Variants in C4orf50 observed in about 807,000 individuals in gnomAD.
C4orf50 encodes the protein uncharacterized protein C4orf50.
C4orf50 carries 80 observed loss-of-function variants against 77.2 expected under a neutral mutation model. The observed-to-expected ratio is 1.04, with a 90% CI of 0.87 to 1.25. The LOEUF is 1.25. Among genes scored for constraint, C4orf50 ranks in the 50% most tolerant of loss-of-function variants. The pLI, the probability that C4orf50 is intolerant of heterozygous loss-of-function variation, is 0.00. For missense variants in C4orf50, 1,257 were observed against 1,152.9 expected (o/e 1.09, Z -1.31); for synonymous variants, 532 against 465.3 (o/e 1.14, Z -1.84).
intron 33 of C4orf50, among the ~76,000 whole-genome samples, chr4:5,964,439 TC>T (rs1719439817): frequency 1.5e-5 from 1 of 67,540 alleles, no homozygotes; most frequent in African/African-American, 7.1e-5. Context: ...AATTGTGTCA[TC>T]AAGGTTTTCA....
chr4:5,990,115 C>T, exon 28 of C4orf50: 1 of 1,277,660 alleles, frequency 7.8e-7, no homozygotes, highest in Non-Finnish European at 9.9e-7. Context: ...CCTTTCCCTC[C>T]TGCTCAGGGA....
Position 5,919,961 on chromosome 4 carries a change from T to C in C4orf50, c.*2475-21773A>G, listed in dbSNP as rs1481755682. On this transcript the variant is annotated intron_variant, in intron 7 of 7. Coordinates refer to the C4orf50 transcript ENST00000324058. This position sits in a 1 kb window ranked among gnomAD's most constrained non-coding sequence, Gnocchi z 6.5. ...GTTCAACACGCACAGACTTTTCTTGTCATCATTCCCTCAACAACACAGTAT... is the reference window on the plus strand; with the variant it reads ...GTTCAACACGCACAGACTTTTCTTGCCATCATTCCCTCAACAACACAGTAT... Among the ~76,000 whole-genome samples the C allele has an allele frequency of 6.6e-6, 1 of 152,244 alleles. No individual in the cohort carries two copies. Among genetic ancestry groups the C allele is most frequent in the Non-Finnish European group, 1.5e-5 (1 of 68,040 alleles).
intron 29 of C4orf50, 143 bp from the exon 8 acceptor site, chr4:5,976,098 C>A: frequency 1.5e-6 from 1 of 659,776 alleles, no homozygotes; most frequent in Non-Finnish European, 2.7e-6. Context: ...GAACAGGGGC[C>A]TTTCCCACCA....
In C4orf50 at chr4:5,936,562, C is replaced by CAA. The variant is rs374200584; in HGVS notation, c.*2474+20337_*2474+20338dup. ...GGGCAACAATGGCAAGACGCCATCT[C>CAA]AAAAAAAAAAAAAAAAAAAAAGAAA... On this transcript the variant is annotated intron_variant, in intron 7 of 7. Transcript: ENST00000324058. Among the ~76,000 whole-genome samples, 471 of 75,216 alleles carry CAA rather than the reference C, an allele frequency of 6.3e-3. 13 individuals carry two copies. Among genetic ancestry groups the CAA allele is most frequent in the Middle Eastern group, 0.026 (2 of 76 alleles). 49.3% of individuals were successfully genotyped at this position (75,216 alleles called of 152,430 possible).
At chr4:5,980,262 G>C in exon 29 of C4orf50, 1 of 1,613,008 alleles carries the variant, frequency 6.2e-7, no homozygotes, top group Non-Finnish European at 8.5e-7. Context: ...GCACTGCAGG[G>C]TCAGCACCCG....
intron 7 of C4orf50, among the ~76,000 whole-genome samples, chr4:5,918,601 T>G (rs1386564532): frequency 6.6e-6 from 1 of 152,180 alleles, no homozygotes; most frequent in Non-Finnish European, 1.5e-5. Context: ...CTTGCGAATT[T>G]CAGAAGGAAG....
chr4:6,004,891 C>G (rs1047986499), intron 25 of C4orf50, among the ~76,000 whole-genome samples: 1 of 151,522 alleles, frequency 6.6e-6, no homozygotes, highest in Non-Finnish European at 1.5e-5. Context: ...CTAGATTTGA[C>G]TGATCACTCA....
chr4:5,968,722 G>A (rs1014506435), intron 31 of C4orf50, among the ~76,000 whole-genome samples: 2 of 152,170 alleles, frequency 1.3e-5, no homozygotes, highest in Admixed American at 6.5e-5. Flanking sequence ...TATTTCCAGT[G>A]CTTTGAATGA....
At chr4:5,973,711 T>C (rs554270075) in exon 31 of C4orf50, 1 of 1,613,942 alleles carries the variant, frequency 6.2e-7, no homozygotes, top group South Asian at 1.1e-5. Flanking sequence ...CAGTGCCACG[T>C]CGTTGAGCAT....
rs1720100408 is a variant in C4orf50, at chr4:5,973,926, G to T, written c.3922-85C>A. ...AGGGCTGGGGGCCGGAGGGTCAGCT[G>T]AGGCCCCTACTCACCATCCCCAGCC... On this transcript the variant is annotated intron_variant, in intron 30 of 33. Coordinates refer to ENST00000531445, the Ensembl canonical transcript of C4orf50. The T allele has an allele frequency of 4.5e-6, 5 of 1,121,460 alleles. No homozygotes were observed. The South Asian group carries it at 7.8e-5, about 18-fold the overall frequency. 69.5% of individuals were successfully genotyped at this position (1,121,460 alleles called of 1,614,324 possible). A position where few individuals can be genotyped will look rare whatever the true frequency, so the allele number is the denominator to read the frequency against.
intron 25 of C4orf50, among the ~76,000 whole-genome samples, chr4:5,994,760 GCA>G (rs1560591707): frequency 1.3e-5 from 2 of 152,058 alleles, no homozygotes; most frequent in South Asian, 4.1e-4. Flanking sequence ...CAGCCAAGAA[GCA>G]CCCAGATCCC....
intron 7 of C4orf50, among the ~76,000 whole-genome samples, chr4:5,933,469 C>A (rs6831996): frequency 6.6e-6 from 1 of 152,198 alleles, no homozygotes; most frequent in Non-Finnish European, 1.5e-5. Flanking sequence ...GTGGGGCTGA[C>A]CCCTGACTCT....
At chr4:5,955,523 A>G (rs6851472), downstream of C4orf50, among the ~76,000 whole-genome samples, 141,441 of 152,296 alleles carry the variant, frequency 0.93, 65,803 homozygotes, top group East Asian at 1. The surrounding 1 kb of genome is among the most constrained non-coding windows in gnomAD (Gnocchi z 5.1). Flanking sequence ...TTCCCAGGAG[A>G]AAGCCAAGCC....
chr4:6,001,945 A>T (rs1239188502), intron 25 of C4orf50, among the ~76,000 whole-genome samples: 2 of 152,240 alleles, frequency 1.3e-5, no homozygotes, highest in Non-Finnish European at 2.9e-5. Context: ...GGGAGGACAA[A>T]AGAGGCTCCT....
At chr4:6,004,163 AGTGATGATG>A (rs61720698) in intron 25 of C4orf50, among the ~76,000 whole-genome samples, 1,933 of 23,884 alleles carry the variant, frequency 0.081, 3 homozygotes, top group African/African-American at 0.21. Context: ...TGGTGATGAT[AGTGATGATG>A]GTGATGATGG....
At chr4:5,996,107 C>T (rs1283586606) in intron 25 of C4orf50, among the ~76,000 whole-genome samples, 1 of 152,248 alleles carries the variant, frequency 6.6e-6, no homozygotes, top group East Asian at 1.9e-4. Flanking sequence ...TGCCTGGGCA[C>T]CTTGTTCCCA....
chr4:5,942,549 GA>G (rs1356848906), intron 7 of C4orf50, among the ~76,000 whole-genome samples: 2 of 152,198 alleles, frequency 1.3e-5, no homozygotes, highest in Non-Finnish European at 2.9e-5. Context: ...TAATTTTACT[GA>G]AATAATAATA....
chr4:5,987,533 C>A (rs909114517), intron 28 of C4orf50, among the ~76,000 whole-genome samples: 1 of 140,156 alleles, frequency 7.1e-6, no homozygotes, highest in Non-Finnish European at 1.5e-5. Flanking sequence ...TGACTGATAA[C>A]ATTGTTGGGG....
At chr4:5,961,587 A>T (rs1311664459) in intron 33 of C4orf50, among the ~76,000 whole-genome samples, 1 of 152,222 alleles carries the variant, frequency 6.6e-6, no homozygotes, top group Non-Finnish European at 1.5e-5. Flanking sequence ...GCTGTGCCCA[A>T]GGCCACACAG....
Sources: allele counts gnomAD v4.1 joint callset (sites outside exome capture counted in the v4.1 genomes callset), GRCh38; gene constraint gnomAD v4.1.1; non-coding constraint Gnocchi (gnomAD v3.1); transcripts MANE v1.5; gene names NCBI Gene and HGNC (gene_info 2026-07-23, HGNC 2026-07-21).